Variants in HHAT observed in about 807,000 individuals in gnomAD.
HHAT encodes the protein hedgehog acyltransferase.
Under a neutral mutation model 70.8 loss-of-function variants are expected in HHAT, and 47 were observed. That is an observed-to-expected ratio of 0.66 (90% CI 0.53 to 0.85). HHAT has a LOEUF of 0.85. Among genes scored for constraint, HHAT ranks in the 40% least tolerant of loss-of-function variants. The pLI is 0.00. For synonymous variants in HHAT, 228 were observed against 247.6 expected (o/e 0.92, Z 0.74); for missense variants, 609 against 604.8 (o/e 1.01, Z -0.07).
chr1:210,507,359 CTTTT>C (rs927392992), intron 8 of HHAT, among the ~76,000 whole-genome samples: 1 of 122,526 alleles, frequency 8.2e-6, no homozygotes, highest in Non-Finnish European at 1.7e-5. Flanking sequence ...TTTCTTTTTT[CTTTT>C]TTTTTTTTTT....
intron 5 of HHAT, among the ~76,000 whole-genome samples, chr1:210,403,835 T>G (rs577412924): frequency 5.5e-4 from 84 of 152,340 alleles, no homozygotes; most frequent in Non-Finnish European, 8.1e-4. Flanking sequence ...TCCATGCATA[T>G]TTTTGCACAG....
At chr1:210,519,040 A>G (rs902701359) in intron 9 of HHAT, among the ~76,000 whole-genome samples, 1 of 152,226 alleles carries the variant, frequency 6.6e-6, no homozygotes, top group Non-Finnish European at 1.5e-5. Context: ...TTCAGCAGCT[A>G]CTAGGTAAAA....
At chr1:210,550,743 C>G (rs1025414230) in intron 9 of HHAT, among the ~76,000 whole-genome samples, 2 of 148,842 alleles carry the variant, frequency 1.3e-5, no homozygotes, top group Non-Finnish European at 1.5e-5. Context: ...GATCTCAGCC[C>G]ACTGCACCCT....
At chr1:210,652,896 C>G (rs1675479185) in intron 11 of HHAT, among the ~76,000 whole-genome samples, 1 of 152,210 alleles carries the variant, frequency 6.6e-6, no homozygotes, top group Non-Finnish European at 1.5e-5. Context: ...GCCAGCTCCT[C>G]TAGAGAGAGC....
chr1:210,486,016 T>A (rs1333407212), intron 8 of HHAT, among the ~76,000 whole-genome samples: 2 of 152,190 alleles, frequency 1.3e-5, no homozygotes, highest in Non-Finnish European at 2.9e-5. Context: ...GTCTTCAACT[T>A]CAAAACTCTC....
chr1:210,574,677 A>AGGGCCAT (rs374425868), intron 9 of HHAT, among the ~76,000 whole-genome samples: 88 of 152,370 alleles, frequency 5.8e-4, no homozygotes, highest in African/African-American at 1.9e-3. Context: ...TACACCTATC[A>AGGGCCAT]GGGCCATGGG....
chr1:210,505,405 TA>T (rs2094835546), intron 8 of HHAT, among the ~76,000 whole-genome samples: 2 of 152,302 alleles, frequency 1.3e-5, no homozygotes, highest in South Asian at 4.1e-4. Context: ...AGCTGGGGTC[TA>T]GGGGGCCTGG....
intron 1 of HHAT, among the ~76,000 whole-genome samples, chr1:210,334,718 T>G (rs1033667651): frequency 1.3e-5 from 2 of 151,454 alleles, no homozygotes; most frequent in Non-Finnish European, 2.9e-5. Flanking sequence ...CGAATAGAAA[T>G]GAACCTTAGT....
At chr1:210,619,569 G>A (rs1668443279) in intron 10 of HHAT, among the ~76,000 whole-genome samples, 1 of 152,116 alleles carries the variant, frequency 6.6e-6, no homozygotes, top group South Asian at 2.1e-4. Context: ...TGAATGTAGG[G>A]GAGAACAATT....
intron 11 of HHAT, among the ~76,000 whole-genome samples, chr1:210,667,074 C>G (rs1199276259): frequency 7.1e-6 from 1 of 140,956 alleles, no homozygotes; most frequent in Non-Finnish European, 1.5e-5. Flanking sequence ...AGCAAAACAT[C>G]TCAAAAAAAA....
intron 10 of HHAT, among the ~76,000 whole-genome samples, chr1:210,592,787 C>G (rs1218938682): frequency 6.6e-6 from 1 of 151,656 alleles, no homozygotes; most frequent in African/African-American, 2.4e-5. Flanking sequence ...TTATTCATAG[C>G]TATTATAATT....
At chr1:210,333,808 C>T (rs890133662) in intron 1 of HHAT, among the ~76,000 whole-genome samples, 1 of 152,118 alleles carries the variant, frequency 6.6e-6, no homozygotes, top group Non-Finnish European at 1.5e-5. Context: ...CAGATGTTCA[C>T]CACCGTGCCT....
chr1:210,657,385 A>G (rs1450113637), intron 11 of HHAT, among the ~76,000 whole-genome samples: 1 of 152,214 alleles, frequency 6.6e-6, no homozygotes, highest in Non-Finnish European at 1.5e-5. Context: ...TGAGCAAAAT[A>G]GACTGCAGTC....
At position 210,601,763 on chromosome 1, in the gene HHAT, C is replaced by T. The variant is rs187520114; in HGVS notation, c.1245+13664C>T. On this transcript the variant is annotated intron_variant, in intron 10 of 11. Coordinates refer to ENST00000261458, the MANE Select transcript of HHAT (RefSeq NM_018194.6). ...TAATAAAACCATGAAATGGGAGCTT[C>T]TCTCTATGAAGAGCTAAGAGATCTA... Among the ~76,000 whole-genome samples the T allele has an allele frequency of 1.3e-3, 197 of 152,234 alleles. 3 individuals are homozygous for T. The highest frequency in any genetic ancestry group is 0.013 in the Admixed American group (196 of 15,294).
chr1:210,598,059 A>G (rs1366216937), intron 10 of HHAT, among the ~76,000 whole-genome samples: 1 of 151,598 alleles, frequency 6.6e-6, no homozygotes, highest in Non-Finnish European at 1.5e-5. Flanking sequence ...TTTTGTCAGG[A>G]CTGCATCCTT....
At position 210,468,039 on chromosome 1, in the gene HHAT, GGTTT is replaced by G. The variant is rs575789647; in HGVS notation, c.1007+3389_1007+3392del. Among the ~76,000 whole-genome samples the G allele has an allele frequency of 1.1e-4, 16 of 152,176 alleles. No individual in the cohort carries two copies. In the South Asian group the frequency reaches 3.3e-3, roughly 32 times the overall value. The stretch of plus-strand genomic sequence containing the variant: ...CAAACCTGAAAGTTAGAACCTGATG[GGTTT>G]GTTTTTCTTTCCTCTTAAATCTTCT... On this transcript the variant is annotated intron_variant, in intron 8 of 11. Coordinates refer to ENST00000261458, the MANE Select transcript of HHAT (RefSeq NM_018194.6).
In HHAT at chr1:210,400,585, C is replaced by T. The variant is rs138752308; in HGVS notation, c.391C>T (p.Arg131Trp). ...TTISFCVAQFRSQLLTWLCSL... is the reference protein window; with the variant it reads ...TTISFCVAQFWSQLLTWLCSL... Reference sequence around the variant, plus strand: ...CATCTCTTTCTGCGTGGCCCAGTTCCGGTCTCAGCTCCTGACGTGGCTCTG... The same window carrying T: ...CATCTCTTTCTGCGTGGCCCAGTTCTGGTCTCAGCTCCTGACGTGGCTCTG... The change falls in exon 5 of 12, where the codon CGG (arginine) becomes TGG (tryptophan). Residue 131 changes from arginine to tryptophan, a missense_variant. By Grantham distance (101) the Arg-to-Trp change is moderately radical. Transcript: ENST00000261458. 68 of 1,614,150 alleles carry T rather than the reference C, an allele frequency of 4.2e-5. No homozygotes were observed. In the African/African-American group the frequency reaches 6.0e-4, roughly 14 times the overall value.
At chr1:210,578,645 AAAG>A (rs1358858972) in intron 9 of HHAT, among the ~76,000 whole-genome samples, 1 of 152,246 alleles carries the variant, frequency 6.6e-6, no homozygotes, top group Non-Finnish European at 1.5e-5. Flanking sequence ...CAGCCTCAAA[AAAG>A]AAGAAATTCC....
intron 9 of HHAT, among the ~76,000 whole-genome samples, chr1:210,528,061 A>G (rs866971652): frequency 1.6e-4 from 25 of 152,326 alleles, no homozygotes; most frequent in African/African-American, 5.5e-4. Flanking sequence ...AAGACATGCA[A>G]TTCCTACCGT....
Sources: gnomAD v4.1 joint callset for allele counts (sites outside exome capture counted in the v4.1 genomes callset) on GRCh38, gnomAD v4.1.1 for gene constraint, MANE v1.5 for transcripts, NCBI Gene and HGNC (gene_info 2026-07-23, HGNC 2026-07-21) for gene names.